Variants in FSTL5 observed in about 807,000 individuals in gnomAD.
The protein encoded by FSTL5 is follistatin-related protein 5.
In FSTL5, 62 loss-of-function variants were observed where a neutral mutation model predicts 89.1. The observed-to-expected ratio is 0.70, with a 90% CI of 0.57 to 0.86. The LOEUF (loss-of-function observed/expected upper bound fraction) is 0.86, where lower values mean the gene tolerates loss of function less well. Ranked by LOEUF, FSTL5 falls within the 40% of genes least tolerant of loss-of-function variation. The pLI, the probability that FSTL5 is intolerant of heterozygous loss-of-function variation, is 0.00. For missense variants in FSTL5, 1,057 were observed against 1,001.6 expected (o/e 1.06, Z -0.75); for synonymous variants, 383 against 346.2 (o/e 1.11, Z -1.18).
chr4:161,772,677 T>C (rs1741250073), intron 5 of FSTL5, among the ~76,000 whole-genome samples: 1 of 152,092 alleles, frequency 6.6e-6, no homozygotes, highest in Admixed American at 6.6e-5. Flanking sequence ...TACAAATCAC[T>C]ACTGAAAAAC....
intron 3 of FSTL5, among the ~76,000 whole-genome samples, chr4:161,963,945 T>A (rs1312688595): frequency 6.6e-6 from 1 of 151,944 alleles, no homozygotes; most frequent in Admixed American, 6.6e-5. Context: ...GGAATATATC[T>A]CCATGAATTC....
At chr4:161,946,986 C>A (rs1734753644) in intron 3 of FSTL5, among the ~76,000 whole-genome samples, 1 of 152,018 alleles carries the variant, frequency 6.6e-6, no homozygotes, top group African/African-American at 2.4e-5. Flanking sequence ...ATATTGAATA[C>A]CTTTAATGTA....
At chr4:161,437,431 G>T (rs1732597926) in intron 15 of FSTL5, among the ~76,000 whole-genome samples, 1 of 151,742 alleles carries the variant, frequency 6.6e-6, no homozygotes, top group South Asian at 2.1e-4. Context: ...GCCGGGCGTG[G>T]TGGCGGGCGC....
Position 162,019,735 on chromosome 4 carries a change from G to GTT in FSTL5, c.160+13888_160+13889dup, listed in dbSNP as rs1396557100. On this transcript the variant is annotated intron_variant, in intron 3 of 15. Coordinates refer to ENST00000306100, the MANE Select transcript of FSTL5 (RefSeq NM_020116.5). ...TTGGTTTTAGCCATTAAATAAACTG[G>GTT]TTCTCTCTCTCTCTCTCTTTCTCTC... Among the ~76,000 whole-genome samples, 3 of 147,784 alleles carry GTT rather than the reference G, an allele frequency of 2.0e-5. No homozygotes were observed. The East Asian group carries it at 5.9e-4, about 29-fold the overall frequency.
intron 15 of FSTL5, among the ~76,000 whole-genome samples, chr4:161,439,082 G>GT (rs1221977603): frequency 6.6e-6 from 1 of 151,862 alleles, no homozygotes; most frequent in Non-Finnish European, 1.5e-5. Context: ...TCAGAACATA[G>GT]TAACTACTGA....
rs181853953 is a variant in FSTL5, at chr4:161,413,547, G to A, written c.1842-27098C>T. ...TCAAAACACTTAAAACAGAGCTACCGTTTTATCCAGCAATCCCATTACTGA... is the reference window on the plus strand; with the variant it reads ...TCAAAACACTTAAAACAGAGCTACCATTTTATCCAGCAATCCCATTACTGA... On this transcript the variant is annotated intron_variant, in intron 15 of 15. Transcript: ENST00000306100. Among the ~76,000 whole-genome samples the A allele has an allele frequency of 2.0e-3, 310 of 152,130 alleles. 1 individual carries two copies. In the Middle Eastern group the frequency reaches 0.027, roughly 13 times the overall value.
intron 5 of FSTL5, among the ~76,000 whole-genome samples, chr4:161,764,231 C>T (rs1251854299): frequency 6.6e-6 from 1 of 152,114 alleles, no homozygotes. Context: ...TTATATATAA[C>T]AAATGCTATC....
intron 8 of FSTL5, among the ~76,000 whole-genome samples, chr4:161,568,278 TCTC>T (rs1353922818): frequency 6.6e-6 from 1 of 152,084 alleles, no homozygotes; most frequent in African/African-American, 2.4e-5. Flanking sequence ...TCTTTACCGA[TCTC>T]CTATATGTGC....
At chr4:161,898,959 C>T (rs1179843246) in intron 4 of FSTL5, among the ~76,000 whole-genome samples, 1 of 152,076 alleles carries the variant, frequency 6.6e-6, no homozygotes, top group Non-Finnish European at 1.5e-5. Context: ...TAGTGAGATG[C>T]TCATCACTCC....
intron 12 of FSTL5, among the ~76,000 whole-genome samples, chr4:161,490,733 A>C (rs1446724940): frequency 6.6e-6 from 1 of 152,172 alleles, no homozygotes; most frequent in Non-Finnish European, 1.5e-5. Context: ...TTTTACAGAG[A>C]TAATTATATG....
chr4:162,061,860 C>T (rs911239389), intron 2 of FSTL5, among the ~76,000 whole-genome samples: 2 of 151,930 alleles, frequency 1.3e-5, no homozygotes, highest in Non-Finnish European at 2.9e-5. Flanking sequence ...TCTGTTACTC[C>T]TACATTTATT....
At chr4:161,406,185 A>T (rs1731368318) in intron 15 of FSTL5, among the ~76,000 whole-genome samples, 1 of 152,152 alleles carries the variant, frequency 6.6e-6, no homozygotes, top group African/African-American at 2.4e-5. Flanking sequence ...AAATGAAGTC[A>T]ATGTTATTGT....
intron 2 of FSTL5, among the ~76,000 whole-genome samples, chr4:162,040,365 A>G (rs115008090): frequency 1.8e-4 from 28 of 152,218 alleles, no homozygotes; most frequent in African/African-American, 6.0e-4. Flanking sequence ...CAATAATCCC[A>G]CAACAAATTT....
chr4:162,000,209 A>G (rs967707544), intron 3 of FSTL5, among the ~76,000 whole-genome samples: 2 of 152,232 alleles, frequency 1.3e-5, no homozygotes, highest in African/African-American at 4.8e-5. Context: ...TGCAGATTGA[A>G]TAATTTTCTT....
intron 8 of FSTL5, among the ~76,000 whole-genome samples, chr4:161,576,361 A>C (rs1161743607): frequency 1.3e-5 from 2 of 152,226 alleles, no homozygotes; most frequent in Non-Finnish European, 2.9e-5. Flanking sequence ...GATATAGCCA[A>C]GACAATATTA....
At chr4:161,408,432 C>A (rs1731466207) in intron 15 of FSTL5, among the ~76,000 whole-genome samples, 1 of 152,102 alleles carries the variant, frequency 6.6e-6, no homozygotes, top group Non-Finnish European at 1.5e-5. Context: ...AAAGATGATA[C>A]TCAATTTAAA....
At chr4:162,113,083 TCAA>T (rs2111412097) in intron 1 of FSTL5, among the ~76,000 whole-genome samples, 1 of 152,280 alleles carries the variant, frequency 6.6e-6, no homozygotes, top group East Asian at 1.9e-4. Context: ...CCAGGTTATC[TCAA>T]CATCATCTCT....
At chr4:161,528,693 C>A (rs1480910052) in intron 10 of FSTL5, among the ~76,000 whole-genome samples, 1 of 143,294 alleles carries the variant, frequency 7.0e-6, no homozygotes, top group African/African-American at 2.5e-5. Flanking sequence ...ATTCCTGCAA[C>A]AGAGAACACT....
chr4:161,726,875 A>G (rs899358798), intron 6 of FSTL5, among the ~76,000 whole-genome samples: 7 of 149,286 alleles, frequency 4.7e-5, no homozygotes, highest in Admixed American at 3.4e-4. Context: ...GAGTCACTCA[A>G]TGCTCTAGCA....
Sources: gnomAD v4.1 joint callset for allele counts (sites outside exome capture counted in the v4.1 genomes callset) on GRCh38, gnomAD v4.1.1 for gene constraint, MANE v1.5 for transcripts, NCBI Gene and HGNC (gene_info 2026-07-23, HGNC 2026-07-21) for gene names.